ARHGAP10: variants seen among roughly 807,000 people sequenced by gnomAD.
ARHGAP10 encodes the protein rho GTPase-activating protein 10.
ARHGAP10 carries 87 observed loss-of-function variants against 108.6 expected under a neutral mutation model. The ratio of observed to expected loss-of-function variants is 0.80; its 90% CI spans 0.67 to 0.96. ARHGAP10 has a LOEUF of 0.96. Among genes scored for constraint, ARHGAP10 ranks in the 40% least tolerant of loss-of-function variants. The probability of loss-of-function intolerance (pLI) is 0.00; values close to 1 mark genes in which losing one functional copy is unlikely to be tolerated. For synonymous variants in ARHGAP10, 347 were observed against 341.1 expected (o/e 1.02, Z -0.19); for missense variants, 939 against 954.5 (o/e 0.98, Z 0.21).
chr4:148,010,547 C>G (rs1741130742), intron 18 of ARHGAP10, among the ~76,000 whole-genome samples: 1 of 152,022 alleles, frequency 6.6e-6, no homozygotes, highest in Non-Finnish European at 1.5e-5. Context: ...TAGTATAATT[C>G]TATTATTGCT....
chr4:147,963,852 A>T (rs924632208), intron 16 of ARHGAP10, among the ~76,000 whole-genome samples: 2 of 152,112 alleles, frequency 1.3e-5, no homozygotes, highest in Non-Finnish European at 2.9e-5. Flanking sequence ...CTCTGCTGTG[A>T]CAGGACAACC....
chr4:148,070,201 A>G (rs1228476806), intron 22 of ARHGAP10, among the ~76,000 whole-genome samples: 1 of 152,154 alleles, frequency 6.6e-6, no homozygotes, highest in Non-Finnish European at 1.5e-5. Context: ...CACACAGAAC[A>G]TGTAGGGTGC....
intron 1 of ARHGAP10, among the ~76,000 whole-genome samples, chr4:147,735,428 A>AGT (rs1390465936): frequency 6.6e-6 from 1 of 152,206 alleles, no homozygotes; most frequent in Admixed American, 6.5e-5. Flanking sequence ...GGTGATAAGG[A>AGT]GTAGAACCTT....
chr4:147,792,202 T>G (rs1189979852), intron 1 of ARHGAP10, among the ~76,000 whole-genome samples: 1 of 152,260 alleles, frequency 6.6e-6, no homozygotes, highest in Non-Finnish European at 1.5e-5. Flanking sequence ...TTTTGTATTG[T>G]GAAACTTTTG....
intron 13 of ARHGAP10, among the ~76,000 whole-genome samples, chr4:147,922,612 C>T (rs1266164753): frequency 6.8e-6 from 1 of 146,156 alleles, no homozygotes; most frequent in Admixed American, 6.9e-5. Context: ...GGCGTGAACC[C>T]GGGAGGCGGA....
intron 1 of ARHGAP10, among the ~76,000 whole-genome samples, chr4:147,818,552 G>GT: frequency 7.4e-6 from 1 of 135,098 alleles, no homozygotes; most frequent in African/African-American, 2.7e-5. Context: ...GGTGACAAGA[G>GT]TGAAACTGTC....
At chr4:147,901,775 G>C (rs1281548523) in intron 10 of ARHGAP10, among the ~76,000 whole-genome samples, 1 of 152,068 alleles carries the variant, frequency 6.6e-6, no homozygotes, top group Non-Finnish European at 1.5e-5. Flanking sequence ...TGTGTTTTAG[G>C]TTACTAGAAT....
chr4:147,748,387 A>C (rs1729017158), intron 1 of ARHGAP10, among the ~76,000 whole-genome samples: 1 of 152,142 alleles, frequency 6.6e-6, no homozygotes, highest in Non-Finnish European at 1.5e-5. Context: ...AAACTAGTAA[A>C]AAAAAGCTGA....
At chr4:147,914,662 G>A (rs1335313316) in intron 13 of ARHGAP10, among the ~76,000 whole-genome samples, 1 of 147,336 alleles carries the variant, frequency 6.8e-6, no homozygotes, top group Non-Finnish European at 1.5e-5. Flanking sequence ...ATGCTTTTGA[G>A]ATTCATCGGT....
chr4:147,848,867 A>G (rs1281360771), intron 4 of ARHGAP10, among the ~76,000 whole-genome samples: 1 of 152,250 alleles, frequency 6.6e-6, no homozygotes. Flanking sequence ...AACTTGCACA[A>G]TAAGTAATCC....
chr4:147,855,531 G>T (rs911639422), intron 4 of ARHGAP10, among the ~76,000 whole-genome samples: 11 of 152,258 alleles, frequency 7.2e-5, no homozygotes, highest in African/African-American at 2.2e-4. Flanking sequence ...AGTAAAAGAG[G>T]TTAAAATACA....
intron 1 of ARHGAP10, among the ~76,000 whole-genome samples, chr4:147,815,944 G>A (rs1434316881): frequency 1.3e-5 from 2 of 152,208 alleles, no homozygotes; most frequent in Admixed American, 6.5e-5. Context: ...TAATAAGTTA[G>A]CGTTGTTGTA....
At chr4:147,793,087 A>G (rs1166903937) in intron 1 of ARHGAP10, among the ~76,000 whole-genome samples, 1 of 151,994 alleles carries the variant, frequency 6.6e-6, no homozygotes, top group East Asian at 1.9e-4. Context: ...GCAGTGAGCC[A>G]AGAGATTGCA....
intron 1 of ARHGAP10, among the ~76,000 whole-genome samples, chr4:147,763,999 C>T (rs1729693735): frequency 6.6e-6 from 1 of 152,164 alleles, no homozygotes; most frequent in Non-Finnish European, 1.5e-5. Context: ...GGGTGATCTG[C>T]CTGCCTCGGC....
Position 147,801,157 on chromosome 4 carries a change from A to G in ARHGAP10, c.155-21570A>G, listed in dbSNP as rs149558711. Among the ~76,000 whole-genome samples the G allele has an allele frequency of 7.0e-4, 106 of 152,328 alleles. 1 individual carries two copies. In the East Asian group the frequency reaches 0.019, roughly 28 times the overall value. On this transcript the variant is annotated intron_variant, in intron 1 of 22. Coordinates refer to ENST00000336498, the MANE Select transcript of ARHGAP10 (RefSeq NM_024605.4). The stretch of plus-strand genomic sequence containing the variant: ...TAAAAAGCAATGAAAAATGTCAGCA[A>G]AATTTAGCATTTATTTTTCTACGTT...
chr4:147,964,131 A>G (rs572577920), intron 16 of ARHGAP10, among the ~76,000 whole-genome samples: 1 of 152,150 alleles, frequency 6.6e-6, no homozygotes, highest in African/African-American at 2.4e-5. Flanking sequence ...CAGGCTTTTC[A>G]CATGGAACTC....
At chr4:147,789,786 T>TAAGCA (rs1731045227) in intron 1 of ARHGAP10, among the ~76,000 whole-genome samples, 1 of 152,146 alleles carries the variant, frequency 6.6e-6, no homozygotes, top group Non-Finnish European at 1.5e-5. Context: ...CTTTACCAAA[T>TAAGCA]AAGCAAAGCT....
chr4:147,988,590 C>T (rs1449351587), intron 18 of ARHGAP10, among the ~76,000 whole-genome samples: 1 of 152,156 alleles, frequency 6.6e-6, no homozygotes, highest in Non-Finnish European at 1.5e-5. Context: ...TATATACACA[C>T]ACACCAAAAA....
intron 14 of ARHGAP10, 167 bp from the exon 15 acceptor site, chr4:147,946,450 T>TAGAA: frequency 1.8e-6 from 1 of 543,032 alleles, no homozygotes; most frequent in Non-Finnish European, 3.1e-6. Context: ...TGTCTAGTCA[T>TAGAA]AGAACATAGC....
Sources: gnomAD v4.1 joint callset for allele counts (sites outside exome capture counted in the v4.1 genomes callset) on GRCh38, gnomAD v4.1.1 for gene constraint, MANE v1.5 for transcripts, NCBI Gene and HGNC (gene_info 2026-07-23, HGNC 2026-07-21) for gene names.